The following SP7 variants were observed in gnomAD, a reference collection of about 807,000 sequenced individuals.
The protein encoded by SP7 is Sp7 transcription factor, also known as transcription factor Sp7.
SP7 carries 13 observed loss-of-function variants against 27.9 expected under a neutral mutation model. The ratio of observed to expected loss-of-function variants is 0.47; its 90% CI spans 0.30 to 0.74. The LOEUF is 0.74. SP7 is among the 30% of genes least tolerant of loss of function. The probability of loss-of-function intolerance (pLI) is 0.06; values close to 1 mark genes in which losing one functional copy is unlikely to be tolerated. For missense variants in SP7, 525 were observed against 558.0 expected (o/e 0.94, Z 0.60); for synonymous variants, 219 against 226.7 (o/e 0.97, Z 0.31).
At chr12:53,337,891 G>A (rs1315223499), upstream of SP7, among the ~76,000 whole-genome samples, 1 of 152,000 alleles carries the variant, frequency 6.6e-6, no homozygotes, top group Non-Finnish European at 1.5e-5. Context: ...AAATGAAAGA[G>A]TCCAAGACAA....
chr12:53,335,698 G>T lies in SP7; in HGVS notation c.-47-5C>A. 2.2e-6 allele frequency: 3 copies of T among 1,385,380 alleles called. No homozygotes were observed. The highest frequency in any genetic ancestry group is 1.9e-6 in the Non-Finnish European group (2 of 1,058,634). 85.8% of individuals were successfully genotyped at this position (1,385,380 alleles called of 1,614,324 possible). A position where few individuals can be genotyped will look rare whatever the true frequency, so the allele number is the denominator to read the frequency against. On this transcript the variant is annotated splice_region_variant and splice_polypyrimidine_tract_variant and intron_variant, in intron 1 of 2. Coordinates refer to ENST00000536324, the MANE Select transcript of SP7 (RefSeq NM_001173467.3). ...GAGCCAGGCAGATGGAGAGAGCTGAGCCGGGGGGTGGGGGGGGTAGAGAGA... is the reference window on the plus strand; with the variant it reads ...GAGCCAGGCAGATGGAGAGAGCTGATCCGGGGGGTGGGGGGGGTAGAGAGA...
At chr12:53,342,057 C>CAA (rs71068110) in intron 1 of SP7, among the ~76,000 whole-genome samples, 111 of 143,402 alleles carry the variant, frequency 7.7e-4, no homozygotes, top group East Asian at 1.2e-3. Flanking sequence ...GACTCCGTCT[C>CAA]AAAAAAAAAA....
chr12:53,328,929 C>T lies in SP7; in HGVS notation c.513G>A (p.Gly171=). Reference sequence around the variant, plus strand: ...CTTGCAGCCCATCACCCTGGCCCTGCCCACCACCTAGCCAGTTGCCTCCAG... The same window carrying T: ...CTTGCAGCCCATCACCCTGGCCCTGTCCACCACCTAGCCAGTTGCCTCCAG... The part of the protein sequence containing the change: ...MHPGGNWLGG[G]QGQGDGLQGT... Residue 171 remains glycine, a synonymous_variant, in exon 3 of 3, where the codon GGG becomes GGA. Transcript: ENST00000536324. The surrounding 1 kb of genome is among the most constrained non-coding windows in gnomAD (Gnocchi z 5.1). 1.2e-6 allele frequency: 2 copies of T among 1,611,556 alleles called. No homozygotes were observed. Among genetic ancestry groups the T allele is most frequent in the Non-Finnish European group, 1.7e-6 (2 of 1,178,864 alleles).
Position 53,327,110 on chromosome 12 carries a change from AGGGGTG to A in SP7, c.*1030_*1035del, listed in dbSNP as rs1439211817. ...TAACCTGATGGGGTCATGGTGTCTA[AGGGGTG>A]GGGCAGTGGAGGAACCTGCTCTGCA... On this transcript the variant is annotated 3_prime_UTR_variant, in exon 3 of 3. Coordinates refer to ENST00000536324, the MANE Select transcript of SP7 (RefSeq NM_001173467.3). The A allele has an allele frequency of 6.6e-6, 1 of 152,550 alleles. No homozygotes were observed. Among genetic ancestry groups the A allele is most frequent in the Non-Finnish European group, 1.5e-5 (1 of 68,050 alleles). 9.4% of individuals were successfully genotyped at this position (152,550 alleles called of 1,614,324 possible).
At chr12:53,335,528 C>A (rs1186394772) in intron 2 of SP7, 98 bp downstream of exon 2, 9 of 739,906 alleles carry the variant, frequency 1.2e-5, no homozygotes, top group Non-Finnish European at 2.2e-5. Flanking sequence ...TGACAAGCAC[C>A]ACAGCTACTA....
intron 2 of SP7, among the ~76,000 whole-genome samples, chr12:53,335,317 A>G (rs932403694): frequency 9.2e-6 from 1 of 109,024 alleles, no homozygotes; most frequent in Middle Eastern, 4.9e-3. Flanking sequence ...TCCTTTCTCC[A>G]TCGCTTTTCC....
upstream of SP7, among the ~76,000 whole-genome samples, chr12:53,337,455 C>T (rs75384211): frequency 1.3e-3 from 203 of 152,326 alleles, no homozygotes; most frequent in African/African-American, 2.7e-3. Flanking sequence ...GTGGTGACAC[C>T]GGCAGCTCTC....
At chr12:53,342,658 A>G (rs1944834304) in intron 1 of SP7, among the ~76,000 whole-genome samples, 1 of 152,016 alleles carries the variant, frequency 6.6e-6, no homozygotes, top group Non-Finnish European at 1.5e-5. Context: ...TACTAAAAAT[A>G]CAAAAAAATT....
In SP7 at chr12:53,329,126, G is replaced by C; in HGVS notation, c.316C>G (p.Gln106Glu). The C allele has an allele frequency of 6.2e-7, 1 of 1,613,866 alleles. No individual in the cohort carries two copies. The highest frequency in any genetic ancestry group is 8.5e-7 in the Non-Finnish European group (1 of 1,179,876). ...TTGGGCACTAGTAGCCCAGGGTCCTGGGTGCCTGTGGGCCCAGGGAATGAG... is the reference window on the plus strand; with the variant it reads ...TTGGGCACTAGTAGCCCAGGGTCCTCGGTGCCTGTGGGCCCAGGGAATGAG... Reference protein sequence around the residue: ...SHSFPGPTGTQDPGLLVPKGH... With the variant: ...SHSFPGPTGTEDPGLLVPKGH... The change falls in exon 3 of 3, where the codon CAG becomes GAG. Residue 106 changes from glutamine (Q) to glutamate (E), a missense_variant. By Grantham distance (29) the Gln-to-Glu change is conservative. Transcript: ENST00000536324.
chr12:53,329,761 C>G (rs1240834084), intron 2 of SP7, among the ~76,000 whole-genome samples: 1 of 151,938 alleles, frequency 6.6e-6, no homozygotes, highest in Non-Finnish European at 1.5e-5. Flanking sequence ...GATGGAGTCT[C>G]GCTGTTGTCG....
intron 2 of SP7, among the ~76,000 whole-genome samples, chr12:53,331,377 C>T (rs1349412728): frequency 2.1e-5 from 3 of 144,628 alleles, no homozygotes; most frequent in Non-Finnish European, 4.5e-5. Context: ...GAGGCTGAGG[C>T]AGAGAATTGC....
chr12:53,342,037 G>A (rs1444057774), intron 1 of SP7, among the ~76,000 whole-genome samples: 6 of 147,920 alleles, frequency 4.1e-5, no homozygotes, highest in East Asian at 2.0e-4. Flanking sequence ...CAGCCTGGGC[G>A]ACAGAGCGAG....
In SP7 at chr12:53,344,528, T is replaced by C. The variant is rs1284497838; in HGVS notation, c.-34+586A>G. Among the ~76,000 whole-genome samples, 1 of 152,000 alleles carries C rather than the reference T, an allele frequency of 6.6e-6. No homozygotes were observed. Among genetic ancestry groups the C allele is most frequent in the African/African-American group, 2.4e-5 (1 of 41,400 alleles). On this transcript the variant is annotated intron_variant, in intron 1 of 1. Transcript: ENST00000547755. The surrounding 1 kb of genome is among the most constrained non-coding windows in gnomAD (Gnocchi z 4.6). Reference sequence around the variant, plus strand: ...CCAACATTAACACCTCCTCCCCACATAGCCTCAATGGGACGCCCCCCTCTG... The same window carrying C: ...CCAACATTAACACCTCCTCCCCACACAGCCTCAATGGGACGCCCCCCTCTG...
In SP7 at chr12:53,328,332, G is replaced by T. The variant is rs201777351; in HGVS notation, c.1110C>A (p.Ser370Arg). 2 of 1,611,874 alleles carry T rather than the reference G, an allele frequency of 1.2e-6. No homozygotes were observed. The highest frequency in any genetic ancestry group is 1.7e-6 in the Non-Finnish European group (2 of 1,178,458). The change falls in exon 3 of 3, where the codon AGC (serine) becomes AGA (arginine). Residue 370 changes from serine (S) to arginine (R), a missense_variant. Physicochemically the swap from Ser to Arg is moderately radical, Grantham distance 110. Transcript: ENST00000536324. This position sits in a 1 kb window ranked among gnomAD's most constrained non-coding sequence, Gnocchi z 5.1. ...GTTCTCCATGGGTGCGCTGGTGTTT[G>T]CTCAGGTGGTCGCTTCGGGTAAAGC... Reference protein sequence around the residue: ...SKRFTRSDHLSKHQRTHGEPG... With the variant: ...SKRFTRSDHLRKHQRTHGEPG...
Position 53,344,382 on chromosome 12 carries a change from C to G in SP7, c.-34+732G>C, listed in dbSNP as rs549424182. Among the ~76,000 whole-genome samples the G allele has an allele frequency of 5.9e-4, 90 of 152,190 alleles. No individual in the cohort carries two copies. Among genetic ancestry groups the G allele is most frequent in the African/African-American group, 2.1e-3 (89 of 41,510 alleles). On this transcript the variant is annotated intron_variant, in intron 1 of 1. Coordinates refer to the SP7 transcript ENST00000547755. This position sits in a 1 kb window ranked among gnomAD's most constrained non-coding sequence, Gnocchi z 4.6. ...AACTATTTCCTTTCCCCCTTTTCAC[C>G]CATTTCTCCCTCTCCCCACCTTCCA... is the stretch of plus-strand genomic sequence containing the variant.
Position 53,330,726 on chromosome 12 carries a change from C to T in SP7, c.22-1306G>A, listed in dbSNP as rs115894245. ...TTGCTCCCATGACAGATTTTCCCAGCTTCATCCCATACCCGATATTCCATT... is the reference window on the plus strand; with the variant it reads ...TTGCTCCCATGACAGATTTTCCCAGTTTCATCCCATACCCGATATTCCATT... On this transcript the variant is annotated intron_variant, in intron 2 of 2. Coordinates refer to ENST00000536324, the MANE Select transcript of SP7 (RefSeq NM_001173467.3). Among the ~76,000 whole-genome samples, 849 of 152,322 alleles carry T rather than the reference C, an allele frequency of 5.6e-3. 8 individuals are homozygous for T. Among genetic ancestry groups the T allele is most frequent in the African/African-American group, 0.019 (803 of 41,574 alleles).
upstream of SP7, among the ~76,000 whole-genome samples, chr12:53,336,977 G>A (rs1175659606): frequency 2.6e-5 from 4 of 152,082 alleles, no homozygotes; most frequent in East Asian, 7.7e-4. Context: ...CTCACTTTGT[G>A]GGGCAGAACC....
chr12:53,331,091 C>A (rs1944698102), intron 2 of SP7, among the ~76,000 whole-genome samples: 1 of 152,212 alleles, frequency 6.6e-6, no homozygotes, highest in Non-Finnish European at 1.5e-5. Flanking sequence ...CTGCTTCATG[C>A]CTCAGTGTCC....
intron 2 of SP7, among the ~76,000 whole-genome samples, chr12:53,331,710 A>G (rs147500131): frequency 1.3e-5 from 2 of 152,196 alleles, no homozygotes; most frequent in Non-Finnish European, 2.9e-5. Context: ...ACCCCTATAC[A>G]GTTATATGGG....
Sources: allele counts gnomAD v4.1 joint callset (sites outside exome capture counted in the v4.1 genomes callset), GRCh38; gene constraint gnomAD v4.1.1; non-coding constraint Gnocchi (gnomAD v3.1); transcripts MANE v1.5; gene names NCBI Gene and HGNC (gene_info 2026-07-23, HGNC 2026-07-21).